Variants in TMC6 observed in about 807,000 individuals in gnomAD.
The protein encoded by TMC6 is transmembrane channel-like protein 6.
Under a neutral mutation model 95.4 loss-of-function variants are expected in TMC6, and 71 were observed. The observed-to-expected ratio is 0.74, with a 90% CI of 0.61 to 0.91. The LOEUF is 0.91. Ranked by LOEUF, TMC6 falls within the 40% of genes least tolerant of loss-of-function variation. The pLI, the probability that TMC6 is intolerant of heterozygous loss-of-function variation, is 0.00. For missense variants in TMC6, 1,074 were observed against 1,079.1 expected, an observed-to-expected ratio of 1.00 and a Z score of 0.07; for synonymous variants, 514 against 483.1, an observed-to-expected ratio of 1.06 and a Z score of -0.84.
Position 78,110,075 on chromosome 17 carries a change from A to G in TMC6, c.*3073T>C, listed in dbSNP as rs932477027. ...GAGTGAAACTCCATTCCAAGAAAAAAAAAAAAAATTCACATCCAAAATTTT... is the reference window on the plus strand; with the variant it reads ...GAGTGAAACTCCATTCCAAGAAAAAGAAAAAAAATTCACATCCAAAATTTT... On this transcript the variant is annotated 3_prime_UTR_variant, in exon 20 of 20. Coordinates refer to ENST00000590602, the MANE Select transcript of TMC6 (RefSeq NM_001127198.5). The G allele has an allele frequency of 2.0e-5, 3 of 152,400 alleles. No homozygotes were observed. The highest frequency in any genetic ancestry group is 7.3e-5 in the African/African-American group (3 of 41,194). 9.4% of individuals were successfully genotyped at this position (152,400 alleles called of 1,614,324 possible).
intron 1 of TMC6, 85 bp from the exon 2 acceptor site, chr17:78,126,991 A>AAT: frequency 8.3e-6 from 7 of 844,564 alleles, no homozygotes; most frequent in Non-Finnish European, 1.3e-5. Context: ...GAACCACAGG[A>AAT]GGTGCCACTC....
intron 4 of TMC6, 37 bp downstream of exon 4, chr17:78,126,240 G>A: frequency 3.2e-6 from 5 of 1,541,098 alleles, no homozygotes; most frequent in Non-Finnish European, 4.4e-6. Context: ...GTCAACTCGG[G>A]GCCGGGGCCG....
upstream of TMC6, chr17:78,131,429 G>C (rs2074961193): frequency 3.0e-6 from 3 of 997,572 alleles, no homozygotes; most frequent in Admixed American, 2.2e-5. Context: ...AGGGCTGCAG[G>C]AGCCCAGGCC....
intron 13 of TMC6, chr17:78,119,658 A>G (rs1015967628): frequency 2.9e-5 from 15 of 515,414 alleles, no homozygotes; most frequent in African/African-American, 2.7e-4. Context: ...TTTTTGAAAC[A>G]GGGTCTGGCT....
chr17:78,123,621 A>G (rs533737611), intron 9 of TMC6, among the ~76,000 whole-genome samples: 59 of 117,548 alleles, frequency 5.0e-4, no homozygotes, highest in Non-Finnish European at 8.8e-4. Flanking sequence ...GAATGGGTGG[A>G]TGGGTGGATG....
Position 78,108,786 on chromosome 17 carries a change from A to G in TMC6, c.*4362T>C, listed in dbSNP as rs1384330325. The G allele has an allele frequency of 6.6e-6, 1 of 152,198 alleles. No homozygotes were observed. Among genetic ancestry groups the G allele is most frequent in the Non-Finnish European group, 1.5e-5 (1 of 68,078 alleles). The allele number at this position is 152,198 out of a possible 1,614,324, so 9.4% of individuals were successfully genotyped here. A position where few individuals can be genotyped will look rare whatever the true frequency, so the allele number is the denominator to read the frequency against. Reference sequence around the variant, plus strand: ...TCTTCACCTGCATCTGTGGATATATATTTTTTTAAGTTTATTAAATTTTTT... The same window carrying G: ...TCTTCACCTGCATCTGTGGATATATGTTTTTTTAAGTTTATTAAATTTTTT... On this transcript the variant is annotated 3_prime_UTR_variant, in exon 20 of 20. Coordinates refer to ENST00000590602, the MANE Select transcript of TMC6 (RefSeq NM_001127198.5).
chr17:78,116,570 C>T (rs1038521842), intron 18 of TMC6, among the ~76,000 whole-genome samples: 2 of 152,088 alleles, frequency 1.3e-5, no homozygotes, highest in Non-Finnish European at 2.9e-5. Flanking sequence ...CCACCACACC[C>T]GGTCAAACAT....
chr17:78,131,625 C>A (rs1289204777), upstream of TMC6: 6 of 1,552,272 alleles, frequency 3.9e-6, no homozygotes, highest in African/African-American at 4.1e-5. Context: ...GGAGCGGGCC[C>A]CTGGGGTGCC....
chr17:78,131,577 G>A (rs2074966560), upstream of TMC6: 2 of 1,542,632 alleles, frequency 1.3e-6, no homozygotes, highest in Non-Finnish European at 1.7e-6. Flanking sequence ...GCCTCTACCC[G>A]TGCCCGCCGA....
At chr17:78,127,009 A>C in intron 1 of TMC6, 103 bp from the exon 2 acceptor site, 1 of 726,438 alleles carries the variant, frequency 1.4e-6, no homozygotes, top group Middle Eastern at 3.7e-4. Context: ...CTCACAGCCC[A>C]GACAGTCCCG....
chr17:78,115,678 A>G (rs1598826142), intron 18 of TMC6, among the ~76,000 whole-genome samples: 1 of 111,176 alleles, frequency 9.0e-6, no homozygotes, highest in African/African-American at 3.8e-5. Flanking sequence ...GAGTGGGCAC[A>G]GGGGCGAAGG....
intron 18 of TMC6, 105 bp downstream of exon 18, chr17:78,117,164 C>T: frequency 7.9e-7 from 1 of 1,267,210 alleles, no homozygotes; most frequent in Admixed American, 1.8e-5. Flanking sequence ...CAAACCCTTT[C>T]ACCAGCCAAG....
intron 7 of TMC6, 42 bp downstream of exon 7, chr17:78,124,847 T>C: frequency 6.3e-7 from 1 of 1,580,912 alleles, no homozygotes; most frequent in South Asian, 1.1e-5. Context: ...ACCCCAGCCC[T>C]GCCCAGCCGC....
In TMC6 at chr17:78,122,676, A is replaced by G; in HGVS notation, c.1156T>C (p.Ser386Pro). 1 of 1,612,054 alleles carries G rather than the reference A, an allele frequency of 6.2e-7. No homozygotes were observed. Among genetic ancestry groups the G allele is most frequent in the East Asian group, 2.2e-5 (1 of 44,830 alleles). Reference sequence around the variant, plus strand: ...TTCTGCGTCACCTTGTAGTCCCAGGAGCAGAAGACGGTGATGGCGTGGATG... The same window carrying G: ...TTCTGCGTCACCTTGTAGTCCCAGGGGCAGAAGACGGTGATGGCGTGGATG... ...SGIHAITVFC[S>P]WDYKVTQKRA... The change falls in exon 10 of 20, where the codon TCC becomes CCC. Residue 386 changes from serine (S) to proline (P), a missense_variant. Coordinates refer to ENST00000590602, the MANE Select transcript of TMC6 (RefSeq NM_001127198.5). This position sits in a 1 kb window ranked among gnomAD's most constrained non-coding sequence, Gnocchi z 4.9.
In TMC6 at chr17:78,122,717, A is replaced by G; in HGVS notation, c.1115T>C (p.Val372Ala). ...GGCGTGGATGCCAGAGGTGCTGCCCACCCGGTAGCTCTCCCCGAAAGAGTG... is the reference window on the plus strand; with the variant it reads ...GGCGTGGATGCCAGAGGTGCTGCCCGCCCGGTAGCTCTCCCCGAAAGAGTG... ...MAHSFGESYR[V>A]GSTSGIHAIT... The change falls in exon 10 of 20, where the codon GTG (valine) becomes GCG (alanine). Residue 372 changes from valine (V) to alanine (A), a missense_variant. Physicochemically the swap from Val to Ala is moderately conservative, Grantham distance 64. Coordinates refer to ENST00000590602, the MANE Select transcript of TMC6 (RefSeq NM_001127198.5). The surrounding 1 kb of genome is among the most constrained non-coding windows in gnomAD (Gnocchi z 4.9). The G allele has an allele frequency of 2.5e-6, 4 of 1,611,268 alleles. No individual in the cohort carries two copies. The highest frequency in any genetic ancestry group is 3.4e-6 in the Non-Finnish European group (4 of 1,179,254).
chr17:78,124,706 T>G lies in TMC6; in HGVS notation c.709A>C (p.Ile237Leu). ...LMPWRYALKR[I>L]GGQFGSSVLS... ...ACGCTGGAGCCGAACTGGCCCCCGA[T>G]GCGCTTCAGGGCGTAGCGCCACGGC... The change falls in exon 8 of 20, where the codon ATC becomes CTC. Residue 237 changes from isoleucine (I) to leucine (L), a missense_variant. Transcript: ENST00000590602. The G allele has an allele frequency of 6.3e-7, 1 of 1,598,452 alleles. No individual in the cohort carries two copies. The highest frequency in any genetic ancestry group is 8.5e-7 in the Non-Finnish European group (1 of 1,172,994).
chr17:78,115,466 C>T (rs543737473), intron 18 of TMC6, among the ~76,000 whole-genome samples: 2 of 152,258 alleles, frequency 1.3e-5, no homozygotes, highest in Admixed American at 1.3e-4. Flanking sequence ...GGACGCAAGC[C>T]TGGAAAAGCC....
rs143828253 is a variant in TMC6 at position 78,121,854 on chromosome 17, C to T, written c.1228-143G>A. On this transcript the variant is annotated intron_variant, in intron 10 of 19. Coordinates refer to ENST00000590602, the MANE Select transcript of TMC6 (RefSeq NM_001127198.5). The surrounding 1 kb of genome is among the most constrained non-coding windows in gnomAD (Gnocchi z 5.6). ...AGAGGGCCAGTTCCCCATGCCCCAC[C>T]TGCCCTTTCATCTGCTGAGGGCCCT... is the stretch of plus-strand genomic sequence containing the variant. 17 of 1,133,056 alleles carry T rather than the reference C, an allele frequency of 1.5e-5. No homozygotes were observed. Among genetic ancestry groups the T allele is most frequent in the Non-Finnish European group, 1.7e-5 (14 of 816,344 alleles). The allele number at this position is 1,133,056 out of a possible 1,614,324, so 70.2% of individuals were successfully genotyped here.
intron 18 of TMC6, chr17:78,114,074 C>G (rs1030952469): frequency 6.3e-5 from 19 of 303,636 alleles, no homozygotes; most frequent in Non-Finnish European, 3.2e-5. Flanking sequence ...TCTCAACTTT[C>G]AGTTCTGGAA....
Sources: allele counts gnomAD v4.1 joint callset (sites outside exome capture counted in the v4.1 genomes callset), GRCh38; gene constraint gnomAD v4.1.1; non-coding constraint Gnocchi (gnomAD v3.1); transcripts MANE v1.5; gene names NCBI Gene and HGNC (gene_info 2026-07-23, HGNC 2026-07-21).